NCOR2: variants seen among roughly 807,000 people sequenced by gnomAD.
NCOR2 encodes the protein nuclear receptor corepressor 2, also known as CTG repeat protein 26.
In NCOR2, 81 loss-of-function variants were observed where a neutral mutation model predicts 262.9. The observed-to-expected ratio is 0.31, with a 90% CI of 0.26 to 0.37. NCOR2 has a LOEUF of 0.37. Ranked by LOEUF, NCOR2 falls within the 10% of genes least tolerant of loss-of-function variation. The probability of loss-of-function intolerance (pLI) is 1.00; values close to 1 mark genes in which losing one functional copy is unlikely to be tolerated. For missense variants in NCOR2, 3,385 were observed against 3,621.4 expected, an observed-to-expected ratio of 0.93 and a Z score of 1.68; for synonymous variants, 1,659 against 1,559.3, an observed-to-expected ratio of 1.06 and a Z score of -1.51.
At chr12:124,477,703 G>C (rs1236562206) in intron 3 of NCOR2, among the ~76,000 whole-genome samples, 1 of 152,222 alleles carries the variant, frequency 6.6e-6, no homozygotes, top group African/African-American at 2.4e-5. Context: ...TCCCAGGACG[G>C]GGGCTGAGGG....
At chr12:124,336,929 G>A in exon 38 of NCOR2, 2 of 1,576,330 alleles carry the variant, frequency 1.3e-6, no homozygotes, top group Non-Finnish European at 1.7e-6. Flanking sequence ...AGGCACTAGG[G>A]GCCGGGGCTC....
chr12:124,506,536 C>G (rs1347731632), intron 1 of NCOR2, among the ~76,000 whole-genome samples: 1 of 151,446 alleles, frequency 6.6e-6, no homozygotes, highest in East Asian at 1.9e-4. Flanking sequence ...TAAACCACAG[C>G]AGGACGAACC....
exon 19 of NCOR2, chr12:124,374,441 C>A: frequency 6.2e-7 from 1 of 1,612,902 alleles, no homozygotes; most frequent in East Asian, 2.2e-5. Flanking sequence ...CTCTGGGCAC[C>A]TCATTCCCAG....
chr12:124,487,536 G>T (rs2047834257), intron 1 of NCOR2, among the ~76,000 whole-genome samples: 1 of 152,246 alleles, frequency 6.6e-6, no homozygotes, highest in South Asian at 2.1e-4. Context: ...CCAGCTGCAG[G>T]CATCCTGCTA....
chr12:124,365,173 A>G (rs1012975194), intron 20 of NCOR2, among the ~76,000 whole-genome samples: 1 of 152,190 alleles, frequency 6.6e-6, no homozygotes, highest in African/African-American at 2.4e-5. Context: ...AAATGACCAC[A>G]TGGCAGGCGT....
At chr12:124,426,228 G>C (rs1233841463) in intron 11 of NCOR2, among the ~76,000 whole-genome samples, 3 of 152,216 alleles carry the variant, frequency 2.0e-5, no homozygotes, top group Non-Finnish European at 2.9e-5. Flanking sequence ...GATGTAATTA[G>C]TTGAAGTGAG....
chr12:124,563,607 T>C (rs1310138197), intron 1 of NCOR2, among the ~76,000 whole-genome samples: 1 of 152,264 alleles, frequency 6.6e-6, no homozygotes, highest in African/African-American at 2.4e-5. Flanking sequence ...ACTCTGCCGC[T>C]GCAGCTTTCT....
intron 5 of NCOR2, among the ~76,000 whole-genome samples, chr12:124,463,713 C>G (rs2046290576): frequency 6.6e-6 from 1 of 152,238 alleles, no homozygotes; most frequent in Admixed American, 6.5e-5. Flanking sequence ...TCCTACTGAT[C>G]CCCCAAGGGG....
At chr12:124,387,273 T>TAC (rs1162266530) in intron 16 of NCOR2, among the ~76,000 whole-genome samples, 1 of 122,694 alleles carries the variant, frequency 8.2e-6, no homozygotes, top group Non-Finnish European at 1.6e-5. Context: ...GCCTGCCTGC[T>TAC]ACACACAAGG....
chr12:124,422,123 C>CACGT (rs1211211066), intron 12 of NCOR2, among the ~76,000 whole-genome samples: 5 of 152,222 alleles, frequency 3.3e-5, no homozygotes, highest in African/African-American at 1.2e-4. Flanking sequence ...GGATGCCAGG[C>CACGT]ACGTAGTGCT....
chr12:124,412,801 G>T (rs2042652758), intron 13 of NCOR2, among the ~76,000 whole-genome samples: 1 of 152,254 alleles, frequency 6.6e-6, no homozygotes, highest in African/African-American at 2.4e-5. Context: ...TTATTGTGGG[G>T]TGAGGGGTGC....
At chr12:124,547,371 T>C (rs1362693038) in intron 1 of NCOR2, among the ~76,000 whole-genome samples, 3 of 152,210 alleles carry the variant, frequency 2.0e-5, no homozygotes, top group Admixed American at 2.0e-4. Flanking sequence ...CATAGGTCTG[T>C]ATGTGTAGGA....
intron 20 of NCOR2, among the ~76,000 whole-genome samples, chr12:124,368,655 G>A (rs943779213): frequency 5.3e-5 from 8 of 151,734 alleles, no homozygotes; most frequent in Non-Finnish European, 8.8e-5. Flanking sequence ...TGGTTCCCAG[G>A]GGGTCTGGCT....
chr12:124,427,476 G>A (rs1414156275), intron 10 of NCOR2, among the ~76,000 whole-genome samples: 2 of 152,204 alleles, frequency 1.3e-5, no homozygotes, highest in African/African-American at 4.8e-5. Context: ...AATTACTGGC[G>A]ATTAATTACC....
At chr12:124,437,834 G>T in intron 8 of NCOR2, 96 bp downstream of exon 10, 1 of 1,191,354 alleles carries the variant, frequency 8.4e-7, no homozygotes. Context: ...GGACACAGCT[G>T]CGGAACTGAC....
chr12:124,418,833 C>A (rs946694469), intron 13 of NCOR2, among the ~76,000 whole-genome samples: 3 of 152,228 alleles, frequency 2.0e-5, no homozygotes, highest in Non-Finnish European at 4.4e-5. Flanking sequence ...CCACTCCTGC[C>A]TACGAAAACT....
At chr12:124,350,555 G>C (rs767498238) in intron 28 of NCOR2, 32 bp downstream of exon 30, 2 of 1,600,810 alleles carry the variant, frequency 1.2e-6, no homozygotes, top group African/African-American at 1.3e-5. Flanking sequence ...CTCCTCCCCT[G>C]GTCCTGGGCC....
chr12:124,510,462 G>A (rs954969717), intron 1 of NCOR2, among the ~76,000 whole-genome samples: 5 of 152,154 alleles, frequency 3.3e-5, no homozygotes, highest in Admixed American at 1.3e-4. Flanking sequence ...TCCTCACAGC[G>A]CCCCCGTGAG....
At chr12:124,567,531 G>T (rs1332224710), upstream of NCOR2, 1 of 146,442 alleles carries the variant, frequency 6.8e-6, no homozygotes, top group Non-Finnish European at 1.5e-5. Context: ...GGGCTCGGGC[G>T]GGGCGCCGGC....
Sources: gnomAD v4.1 joint callset for allele counts (sites outside exome capture counted in the v4.1 genomes callset) on GRCh38, gnomAD v4.1.1 for gene constraint, MANE v1.5 for transcripts, NCBI Gene and HGNC (gene_info 2026-07-23, HGNC 2026-07-21) for gene names.